The following TRIM67 variants were observed in gnomAD, a reference collection of about 807,000 sequenced individuals.
TRIM67 encodes tripartite motif containing 67, also known as tripartite motif-containing protein 67.
In TRIM67, 39 loss-of-function variants were observed where a neutral mutation model predicts 71.0. The ratio of observed to expected loss-of-function variants is 0.55; its 90% CI spans 0.43 to 0.72. The LOEUF (loss-of-function observed/expected upper bound fraction) is 0.72. Among genes scored for constraint, TRIM67 ranks in the 30% least tolerant of loss-of-function variants. The probability of loss-of-function intolerance (pLI) is 0.00; values close to 1 mark genes in which losing one functional copy is unlikely to be tolerated. For synonymous variants in TRIM67, 481 were observed against 473.9 expected, an observed-to-expected ratio of 1.01 and a Z score of -0.19; for missense variants, 973 against 1,079.2, an observed-to-expected ratio of 0.90 and a Z score of 1.38.
At chr1:231,185,298 G>T (rs575028098) in intron 1 of TRIM67, 1 of 1,304,920 alleles carries the variant, frequency 7.7e-7, no homozygotes, top group South Asian at 1.3e-5. Context: ...TCCTACACTG[G>T]AGGGATCTGA....
chr1:231,185,601 C>T (rs997600517), intron 1 of TRIM67, among the ~76,000 whole-genome samples: 1 of 151,876 alleles, frequency 6.6e-6, no homozygotes, highest in Non-Finnish European at 1.5e-5. Context: ...CAGACGCGTC[C>T]TGCCCTTTTG....
At chr1:231,168,403 G>A (rs1191570105) in intron 1 of TRIM67, among the ~76,000 whole-genome samples, 1 of 152,168 alleles carries the variant, frequency 6.6e-6, no homozygotes, top group Non-Finnish European at 1.5e-5. Flanking sequence ...CGCTTGTTAA[G>A]TCTATGCCTA....
At chr1:231,199,228 G>A (rs1459697423) in intron 3 of TRIM67, 59 bp downstream of exon 3, 5 of 1,557,456 alleles carry the variant, frequency 3.2e-6, no homozygotes, top group African/African-American at 1.4e-5. Context: ...ACCCAGCGTG[G>A]GGTGGAGCAC....
At chr1:231,169,419 C>A (rs1481132925) in intron 1 of TRIM67, among the ~76,000 whole-genome samples, 2 of 139,638 alleles carry the variant, frequency 1.4e-5, no homozygotes, top group Non-Finnish European at 3.0e-5. Context: ...CTCTTATAAC[C>A]CAGACTGGAG....
intron 1 of TRIM67, among the ~76,000 whole-genome samples, chr1:231,169,977 GT>G (rs1003546285): frequency 1.5e-5 from 2 of 137,676 alleles, no homozygotes; most frequent in Non-Finnish European, 3.0e-5. Context: ...CCTTTAAAAT[GT>G]TTTTTTCTTT....
intron 2 of TRIM67, among the ~76,000 whole-genome samples, 159 bp downstream of exon 2, chr1:231,197,625 A>C (rs183128059): frequency 1.0e-3 from 155 of 152,326 alleles, no homozygotes; most frequent in African/African-American, 3.5e-3. Context: ...TGGGAGTTTG[A>C]GACCAGCCTT....
rs1420710634 is a variant in TRIM67 at position 231,184,975 on chromosome 1, G to A, written c.1045-12396G>A. 2.0e-6 allele frequency: 3 copies of A among 1,502,164 alleles called. No individual in the cohort carries two copies. In the South Asian group the frequency reaches 3.6e-5, roughly 18 times the overall value. 93.1% of individuals were successfully genotyped at this position (1,502,164 alleles called of 1,614,324 possible). ...CTAAGGGTTGCTGGATAAACACCCA[G>A]CAGTGCTCCTGAATGGGTGGCCGGC... On this transcript the variant is annotated intron_variant, in intron 1 of 9. Transcript: ENST00000366653.
chr1:231,171,208 G>C (rs2102715636), intron 1 of TRIM67, among the ~76,000 whole-genome samples: 1 of 152,198 alleles, frequency 6.6e-6, no homozygotes, highest in South Asian at 2.1e-4. Context: ...AGGATCTTTA[G>C]GTTACACAAA....
intron 5 of TRIM67, among the ~76,000 whole-genome samples, chr1:231,203,623 C>T (rs1683613025): frequency 6.6e-6 from 1 of 152,180 alleles, no homozygotes; most frequent in Non-Finnish European, 1.5e-5. Flanking sequence ...GCCACGGCCC[C>T]CTGAGATTCC....
At chr1:231,182,851 C>T (rs763643362) in intron 1 of TRIM67, among the ~76,000 whole-genome samples, 33 of 152,226 alleles carry the variant, frequency 2.2e-4, no homozygotes, top group Non-Finnish European at 4.4e-4. Context: ...AAGAAGCCCC[C>T]GTGTGCCTGC....
chr1:231,187,476 G>A, intron 1 of TRIM67: 1 of 1,452,678 alleles, frequency 6.9e-7, no homozygotes, highest in East Asian at 2.5e-5. Flanking sequence ...TAACTTATTA[G>A]GCATTATTAT....
At chr1:231,182,229 T>C (rs1458162479) in intron 1 of TRIM67, among the ~76,000 whole-genome samples, 1 of 152,168 alleles carries the variant, frequency 6.6e-6, no homozygotes, top group African/African-American at 2.4e-5. Flanking sequence ...GGACATACAC[T>C]GGTAGCCCAC....
chr1:231,170,306 T>C (rs1427732670), intron 1 of TRIM67, among the ~76,000 whole-genome samples: 1 of 152,128 alleles, frequency 6.6e-6, no homozygotes, highest in Non-Finnish European at 1.5e-5. Flanking sequence ...TTTAATATGC[T>C]TTCCTTGTCA....
intron 6 of TRIM67, among the ~76,000 whole-genome samples, chr1:231,206,272 T>A (rs922694676): frequency 3.4e-5 from 5 of 148,102 alleles, no homozygotes; most frequent in South Asian, 2.1e-4. Flanking sequence ...TCTACTAAAA[T>A]ATATATATAT....
At chr1:231,192,690 C>G (rs1039237818) in intron 1 of TRIM67, among the ~76,000 whole-genome samples, 8 of 152,230 alleles carry the variant, frequency 5.3e-5, no homozygotes, top group Admixed American at 3.3e-4. Context: ...CCTCACACTG[C>G]CCATTTTGGC....
Position 231,200,227 on chromosome 1 carries a change from T to C in TRIM67, c.1343T>C (p.Ile448Thr). 2 of 1,613,800 alleles carry C rather than the reference T, an allele frequency of 1.2e-6. No homozygotes were observed. The highest frequency in any genetic ancestry group is 1.7e-6 in the Non-Finnish European group (2 of 1,179,736). Residue 448 changes from isoleucine to threonine, a missense_variant, in exon 4 of 10, where the codon ATC (isoleucine) becomes ACC (threonine). By Grantham distance (89) the Ile-to-Thr change is moderately conservative (BLOSUM62 -1). Transcript: ENST00000366653. ...TGLMEYCLEV[I>T]KENDPSGFLQ... ...CTGATGGAGTACTGCCTGGAGGTGA[T>C]CAAGGAGAACGACCCCTCCGGGTTC...
intron 1 of TRIM67, among the ~76,000 whole-genome samples, chr1:231,187,100 AG>A (rs1683101791): frequency 6.6e-6 from 1 of 152,236 alleles, no homozygotes; most frequent in African/African-American, 2.4e-5. Context: ...TGGTGTGACC[AG>A]GAAGTCGTAG....
chr1:231,166,503 T>A (rs1216055320), intron 1 of TRIM67, among the ~76,000 whole-genome samples: 1 of 151,924 alleles, frequency 6.6e-6, no homozygotes, highest in East Asian at 1.9e-4. Context: ...ACTCCCACTG[T>A]TGGCAATTTA....
intron 1 of TRIM67, chr1:231,186,117 T>C: frequency 1.3e-6 from 2 of 1,533,206 alleles, no homozygotes; most frequent in Non-Finnish European, 1.7e-6. Flanking sequence ...GCTGAATGAA[T>C]ACATCGGTGA....
Sources: gnomAD v4.1 joint callset for allele counts (sites outside exome capture counted in the v4.1 genomes callset) on GRCh38, gnomAD v4.1.1 for gene constraint, MANE v1.5 for transcripts, NCBI Gene and HGNC (gene_info 2026-07-23, HGNC 2026-07-21) for gene names.